Variants in PRKACB observed in about 807,000 individuals in gnomAD.
PRKACB encodes protein kinase cAMP-activated catalytic subunit beta, also known as cAMP-dependent protein kinase catalytic subunit beta.
A neutral mutation model predicts 51.4 loss-of-function variants in PRKACB; 16 were observed. The observed-to-expected ratio is 0.31, with a 90% CI of 0.21 to 0.47. PRKACB has a LOEUF of 0.47. PRKACB is among the 20% of genes least tolerant of loss of function. The pLI, the probability that PRKACB is intolerant of heterozygous loss-of-function variation, is 1.00. For missense variants in PRKACB, 309 were observed against 464.5 expected (o/e 0.67, Z 3.08); for synonymous variants, 147 against 154.4 (o/e 0.95, Z 0.35).
rs771517024 is a variant in PRKACB at position 84,144,347 on chromosome 1, T to C, written c.-15T>C. ...ACATTTGCAGTTACATTAAGTAAAG[T>C]GTAAATGCACATGAATGGCAGCTTA... On this transcript the variant is annotated 5_prime_UTR_variant, in exon 1 of 10. Transcript: ENST00000370685. The C allele has an allele frequency of 6.2e-7, 1 of 1,608,696 alleles. No homozygotes were observed. The highest frequency in any genetic ancestry group is 1.7e-5 in the Admixed American group (1 of 58,338).
chr1:84,179,822 G>C (rs551075727), intron 2 of PRKACB, among the ~76,000 whole-genome samples: 85 of 151,774 alleles, frequency 5.6e-4, no homozygotes, highest in African/African-American at 1.9e-3. Context: ...TATACTTCAA[G>C]TTCTGGGTTG....
At chr1:84,176,582 A>G (rs1343532148) in intron 1 of PRKACB, among the ~76,000 whole-genome samples, 1 of 147,170 alleles carries the variant, frequency 6.8e-6, no homozygotes, top group Non-Finnish European at 1.5e-5. Flanking sequence ...TAGAGATTTC[A>G]TATGTGTAGA....
At chr1:84,178,918 G>A (rs1392513313) in intron 1 of PRKACB, 2 of 241,466 alleles carry the variant, frequency 8.3e-6, no homozygotes, top group Admixed American at 5.7e-5. Flanking sequence ...TATGTTTTCA[G>A]GAACAGAATT....
At chr1:84,095,844 A>T (rs1197691276) in intron 1 of PRKACB, among the ~76,000 whole-genome samples, 2 of 151,970 alleles carry the variant, frequency 1.3e-5, no homozygotes, top group Non-Finnish European at 2.9e-5. Flanking sequence ...TTGAGTTTCT[A>T]CTTGTAAATT....
At chr1:84,234,977 C>A (rs1423271881) in intron 9 of PRKACB, among the ~76,000 whole-genome samples, 1 of 152,206 alleles carries the variant, frequency 6.6e-6, no homozygotes, top group Non-Finnish European at 1.5e-5. Context: ...TGTTGACCTG[C>A]ATACTTCCTT....
chr1:84,205,381 A>C, intron 8 of PRKACB: 1 of 621,908 alleles, frequency 1.6e-6, no homozygotes, highest in Non-Finnish European at 2.0e-6. Context: ...TTGGAAACTA[A>C]CTAGTTTTTT....
chr1:84,139,151 C>T (rs375965819), intron 1 of PRKACB, among the ~76,000 whole-genome samples: 226 of 152,260 alleles, frequency 1.5e-3, no homozygotes, highest in Non-Finnish European at 2.5e-3. Flanking sequence ...TTCATTGTCA[C>T]CACCTTGTTC....
chr1:84,164,915 A>G (rs1321440222), intron 1 of PRKACB: 10 of 1,504,638 alleles, frequency 6.6e-6, no homozygotes, highest in Non-Finnish European at 8.9e-6. Context: ...TGTTTACACC[A>G]TCGGTTCTTC....
chr1:84,110,589 T>C (rs1424721351), intron 1 of PRKACB, among the ~76,000 whole-genome samples: 7 of 151,944 alleles, frequency 4.6e-5, no homozygotes, highest in African/African-American at 1.7e-4. Context: ...TATCTATTCC[T>C]TCCTGCCGTG....
chr1:84,200,121 A>T (rs1183077130), intron 7 of PRKACB, among the ~76,000 whole-genome samples: 1 of 151,306 alleles, frequency 6.6e-6, no homozygotes, highest in East Asian at 1.9e-4. Context: ...TGCTGGGATT[A>T]CAGGGGTGAG....
At chr1:84,090,990 T>G (rs1648419830) in intron 1 of PRKACB, among the ~76,000 whole-genome samples, 1 of 152,130 alleles carries the variant, frequency 6.6e-6, no homozygotes, top group Admixed American at 6.5e-5. Flanking sequence ...TATAATAATA[T>G]GTCTTCTCAT....
intron 1 of PRKACB, chr1:84,173,474 T>C (rs1660204917): frequency 3.5e-6 from 3 of 864,302 alleles, no homozygotes; most frequent in South Asian, 3.3e-5. Flanking sequence ...TTCTGTTTAC[T>C]GAAAATATTT....
At chr1:84,132,925 CAGA>C (rs144083553) in intron 1 of PRKACB, among the ~76,000 whole-genome samples, 4,865 of 151,772 alleles carry the variant, frequency 0.032, 118 homozygotes, top group Non-Finnish European at 0.046. Flanking sequence ...ATTGGAATAC[CAGA>C]AGAAGAAGGA....
chr1:84,162,911 A>AT (rs1656401517), intron 1 of PRKACB, among the ~76,000 whole-genome samples: 1 of 151,412 alleles, frequency 6.6e-6, no homozygotes, highest in Admixed American at 6.6e-5. Flanking sequence ...GGTTTTGATT[A>AT]TTTTTTCCCT....
intron 1 of PRKACB, among the ~76,000 whole-genome samples, chr1:84,093,252 T>C (rs1023311178): frequency 1.3e-5 from 2 of 151,572 alleles, no homozygotes. Flanking sequence ...ACAGTCTGTC[T>C]GGAATCAAGT....
At chr1:84,095,041 A>G (rs1185053831) in intron 1 of PRKACB, among the ~76,000 whole-genome samples, 1 of 151,984 alleles carries the variant, frequency 6.6e-6, no homozygotes, top group Admixed American at 6.6e-5. Flanking sequence ...TAGGCTATCC[A>G]TATAGCTTAG....
intron 7 of PRKACB, 69 bp downstream of exon 7, chr1:84,197,893 AAC>A: frequency 9.2e-7 from 1 of 1,089,282 alleles, no homozygotes; most frequent in Non-Finnish European, 1.3e-6. Context: ...CTTTTGTAAA[AAC>A]AGTTTATTGA....
intron 1 of PRKACB, among the ~76,000 whole-genome samples, chr1:84,152,127 G>A (rs190199433): frequency 3.5e-4 from 54 of 152,214 alleles, no homozygotes; most frequent in Admixed American, 1.0e-3. Flanking sequence ...CTTGTACATC[G>A]AGCTCTTGGG....
chr1:84,213,568 C>G (rs930969516), intron 8 of PRKACB, among the ~76,000 whole-genome samples: 11 of 152,024 alleles, frequency 7.2e-5, no homozygotes, highest in Non-Finnish European at 1.6e-4. Flanking sequence ...TGCTTTTAAA[C>G]CAATCTAAAT....
Sources: gnomAD v4.1 joint callset for allele counts (sites outside exome capture counted in the v4.1 genomes callset) on GRCh38, gnomAD v4.1.1 for gene constraint, MANE v1.5 for transcripts, NCBI Gene and HGNC (gene_info 2026-07-23, HGNC 2026-07-21) for gene names.